Variants in SLC39A10 observed in about 807,000 individuals in gnomAD.
The protein encoded by SLC39A10 is zinc transporter ZIP10.
A neutral mutation model predicts 65.1 loss-of-function variants in SLC39A10; 13 were observed. The ratio of observed to expected loss-of-function variants is 0.20; its 90% CI spans 0.13 to 0.32. SLC39A10 has a LOEUF of 0.32. Ranked by LOEUF, SLC39A10 falls within the 10% of genes least tolerant of loss-of-function variation. The probability of loss-of-function intolerance (pLI) is 1.00; values close to 1 mark genes in which losing one functional copy is unlikely to be tolerated. For missense variants in SLC39A10, 831 were observed against 1,018.4 expected (o/e 0.82, Z 2.50); for synonymous variants, 321 against 342.2 (o/e 0.94, Z 0.68).
chr2:195,693,326 A>G (rs1422116570), intron 3 of SLC39A10, among the ~76,000 whole-genome samples: 2 of 152,112 alleles, frequency 1.3e-5, no homozygotes, highest in South Asian at 2.1e-4. Flanking sequence ...TATTAGGGTG[A>G]TACTTGCTTC....
chr2:195,675,029 T>A (rs1279004314), intron 1 of SLC39A10, among the ~76,000 whole-genome samples: 1 of 152,086 alleles, frequency 6.6e-6, no homozygotes, highest in Non-Finnish European at 1.5e-5. Context: ...CCTGGGACAT[T>A]ACTATACACT....
At chr2:195,639,911 TC>T (rs1414927241) in intron 2 of SLC39A10, among the ~76,000 whole-genome samples, 1 of 152,182 alleles carries the variant, frequency 6.6e-6, no homozygotes, top group African/African-American at 2.4e-5. Context: ...TATTTGGAAT[TC>T]TTCTGCAGGA....
intron 3 of SLC39A10, among the ~76,000 whole-genome samples, chr2:195,692,966 C>A (rs571174077): frequency 1.3e-5 from 2 of 152,234 alleles, no homozygotes; most frequent in East Asian, 3.9e-4. Flanking sequence ...GTGGGTTTGT[C>A]ATAGATGGCT....
intron 9 of SLC39A10, among the ~76,000 whole-genome samples, chr2:195,734,285 C>T (rs1442511055): frequency 6.6e-6 from 1 of 151,798 alleles, no homozygotes; most frequent in Admixed American, 6.6e-5. Context: ...ATTCTCCTGC[C>T]TCAGCCTCCC....
chr2:195,708,121 C>T (rs7568156), intron 4 of SLC39A10, among the ~76,000 whole-genome samples: 105,425 of 152,012 alleles, frequency 0.69, 37,020 homozygotes, highest in Non-Finnish European at 0.73. Flanking sequence ...AGAGAAGAAA[C>T]TGATGAAATA....
rs35865354 is a variant in SLC39A10 at position 195,630,103 on chromosome 2, A to ATGTGTGTG, written c.-12+23894_-12+23901dup. Among the ~76,000 whole-genome samples the ATGTGTGTG allele has an allele frequency of 2.6e-3, 344 of 131,814 alleles. 3 individuals carry two copies. The highest frequency in any genetic ancestry group is 8.0e-3 in the African/African-American group (276 of 34,388). 86.5% of individuals were successfully genotyped at this position (131,814 alleles called of 152,430 possible). ...ACTATATAGAGAAAACTCATTTTAT[A>ATGTGTGTG]TGTGTGTGTGTGTGTGTGTGTGTGT... On this transcript the variant is annotated intron_variant, in intron 2 of 2. Coordinates refer to the SLC39A10 transcript ENST00000458054.
At position 195,664,568 on chromosome 2, in the gene SLC39A10, G is replaced by C. The variant is rs144603850; in HGVS notation, c.-12+7287G>C. Among the ~76,000 whole-genome samples the C allele has an allele frequency of 6.9e-3, 1,048 of 152,196 alleles. 12 individuals carry two copies. The highest frequency in any genetic ancestry group is 0.024 in the African/African-American group (986 of 41,550). The stretch of plus-strand genomic sequence containing the variant: ...TTTGCAGAAAATGTGACTGAATCAT[G>C]TTATGTAAAAGCTCATATATGTTGG... On this transcript the variant is annotated intron_variant, in intron 1 of 9. Transcript: ENST00000359634.
chr2:195,617,684 A>G (rs1198733011), intron 2 of SLC39A10, among the ~76,000 whole-genome samples: 1 of 132,112 alleles, frequency 7.6e-6, no homozygotes, highest in East Asian at 2.1e-4. Flanking sequence ...CAGCCTAGGC[A>G]ACATAGTGAG....
At chr2:195,681,095 T>C in intron 2 of SLC39A10, 45 bp downstream of exon 2, 2 of 1,536,474 alleles carry the variant, frequency 1.3e-6, no homozygotes, top group Non-Finnish European at 8.8e-7. Context: ...AATTCTCACA[T>C]AATTGTGGTG....
chr2:195,657,669 G>A, intron 1 of SLC39A10: 1 of 977,030 alleles, frequency 1.0e-6, no homozygotes, highest in Non-Finnish European at 1.2e-6. Context: ...GCGGGTGGCG[G>A]CGGTTAGGGG....
intron 2 of SLC39A10, among the ~76,000 whole-genome samples, chr2:195,625,895 C>A (rs144274380): frequency 6.6e-6 from 1 of 152,256 alleles, no homozygotes; most frequent in East Asian, 1.9e-4. Flanking sequence ...AGCAATTCTC[C>A]CACGTTAGCC....
At chr2:195,639,285 A>G (rs1158340010) in intron 2 of SLC39A10, among the ~76,000 whole-genome samples, 1 of 152,150 alleles carries the variant, frequency 6.6e-6, no homozygotes, top group African/African-American at 2.4e-5. Context: ...CTGGTCAGGT[A>G]TTTTGCAGAA....
chr2:195,715,188 CTT>C lies in SLC39A10; in HGVS notation c.1697-1446_1697-1445del, dbSNP rs200765401. 6.9e-3 allele frequency among the ~76,000 whole-genome samples: 1,055 copies of C among 152,244 alleles called. 11 individuals carry two copies. The highest frequency in any genetic ancestry group is 0.025 in the African/African-American group (1,018 of 41,550). On this transcript the variant is annotated intron_variant, in intron 6 of 9. Coordinates refer to ENST00000359634, the MANE Select transcript of SLC39A10 (RefSeq NM_020342.3). The stretch of plus-strand genomic sequence containing the variant: ...AAGTGATGAAAAAAGCACATAATCT[CTT>C]TTATATACTTACCTGGTATAATCAT...
chr2:195,668,818 T>TTTGGGATG (rs1175239059), intron 1 of SLC39A10, among the ~76,000 whole-genome samples: 2 of 152,084 alleles, frequency 1.3e-5, no homozygotes, highest in African/African-American at 4.8e-5. Flanking sequence ...CACCCAGCAC[T>TTTGGGATG]TTGGGTCACA....
At chr2:195,671,363 A>G (rs72913214) in intron 1 of SLC39A10, among the ~76,000 whole-genome samples, 3,228 of 152,286 alleles carry the variant, frequency 0.021, 54 homozygotes, top group Non-Finnish European at 0.032. Flanking sequence ...TTGTTGTGGC[A>G]CTGCTAGTTA....
At chr2:195,649,581 A>G (rs960797102) in intron 2 of SLC39A10, among the ~76,000 whole-genome samples, 2 of 152,240 alleles carry the variant, frequency 1.3e-5, no homozygotes, top group Non-Finnish European at 2.9e-5. Flanking sequence ...AGTTTAACAA[A>G]TGAGCCTTTT....
chr2:195,682,967 G>T (rs1286989572), intron 2 of SLC39A10, among the ~76,000 whole-genome samples: 2 of 151,980 alleles, frequency 1.3e-5, no homozygotes, highest in Non-Finnish European at 2.9e-5. Flanking sequence ...GAGGTAGCAA[G>T]TCAATAAACA....
At chr2:195,662,295 C>G (rs564096707) in intron 1 of SLC39A10, among the ~76,000 whole-genome samples, 143 of 146,316 alleles carry the variant, frequency 9.8e-4, no homozygotes, top group African/African-American at 3.5e-3. Context: ...TTTTGTGAGA[C>G]AGTATCTCTG....
At chr2:195,688,761 G>C (rs1399321648) in intron 3 of SLC39A10, among the ~76,000 whole-genome samples, 1 of 152,094 alleles carries the variant, frequency 6.6e-6, no homozygotes, top group Non-Finnish European at 1.5e-5. Context: ...GACAATGTGT[G>C]TTACATGCAA....
Sources: allele counts gnomAD v4.1 joint callset (sites outside exome capture counted in the v4.1 genomes callset), GRCh38; gene constraint gnomAD v4.1.1; transcripts MANE v1.5; gene names NCBI Gene and HGNC (gene_info 2026-07-23, HGNC 2026-07-21).